The following SELENOO variants were observed in gnomAD, a reference collection of about 807,000 sequenced individuals.
The protein encoded by SELENOO is protein adenylyltransferase SelO, mitochondrial.
SELENOO carries 74 observed loss-of-function variants against 58.7 expected under a neutral mutation model. The ratio of observed to expected loss-of-function variants is 1.26; its 90% CI spans 1.04 to 1.53. The LOEUF (loss-of-function observed/expected upper bound fraction) is 1.53, where lower values mean the gene tolerates loss of function less well. Ranked by LOEUF, SELENOO falls within the 40% of genes most tolerant of loss-of-function variation. SELENOO has a pLI of 0.00. For synonymous variants in SELENOO, 543 were observed against 453.2 expected (o/e 1.20, Z -2.52); for missense variants, 1,149 against 970.0 (o/e 1.18, Z -2.45).
chr22:50,208,679 G>A lies in SELENOO; in HGVS notation c.902G>A (p.Ser301Asn). ...CCCGAGATCCAGGCTGCTCATGCCAGCGACAGCGTGCAGAGAAATGCTGCC... is the reference window on the plus strand; with the variant it reads ...CCCGAGATCCAGGCTGCTCATGCCAACGACAGCGTGCAGAGAAATGCTGCC... ...FYPEIQAAHA[S>N]DSVQRNAAFF... is the part of the protein sequence containing the mutation. Residue 301 changes from serine to asparagine, a missense_variant, in exon 3 of 9, where the codon AGC becomes AAC. Transcript: ENST00000380903. 6.2e-7 allele frequency: 1 copy of A among 1,613,538 alleles called. No homozygotes were observed.
In SELENOO at chr22:50,207,105, G is replaced by A. The variant is rs558205177; in HGVS notation, c.758+585G>A. Among the ~76,000 whole-genome samples the A allele has an allele frequency of 2.0e-5, 3 of 152,224 alleles. No individual in the cohort carries two copies. In the East Asian group the frequency reaches 5.8e-4, roughly 29 times the overall value. ...TCCTAGGCTGGCTCCTGTCTGACGT[G>A]AGCCATCAGTTATCAGTTCTCTTTT... On this transcript the variant is annotated intron_variant, in intron 2 of 8. Coordinates refer to ENST00000380903, the MANE Select transcript of SELENOO (RefSeq NM_031454.2).
chr22:50,201,646 C>A, intron 1 of SELENOO, 56 bp downstream of exon 1: 1 of 1,176,928 alleles, frequency 8.5e-7, no homozygotes, highest in Non-Finnish European at 1.1e-6. Flanking sequence ...GGCGCCCCTT[C>A]CCTCCGCCCG....
chr22:50,215,834 T>C lies in SELENOO; in HGVS notation c.1469T>C (p.Leu490Pro). The stretch of plus-strand genomic sequence containing the variant: ...GAGCAGTGTGCCTCCCTGGAGGAGC[T>C]GAGGCTGGCCTTCCGGCCCCAGATG... ...LMEQCASLEE[L>P]RLAFRPQMDP... is the part of the protein sequence containing the mutation. Residue 490 changes from leucine to proline, a missense_variant, in exon 6 of 9, where the codon CTG becomes CCG. By Grantham distance (98) the Leu-to-Pro change is moderately conservative. Coordinates refer to ENST00000380903, the MANE Select transcript of SELENOO (RefSeq NM_031454.2). 2.5e-6 allele frequency: 4 copies of C among 1,611,636 alleles called. No individual in the cohort carries two copies. The highest frequency in any genetic ancestry group is 3.4e-6 in the Non-Finnish European group (4 of 1,178,380).
At position 50,217,511 on chromosome 22, in the gene SELENOO, C is replaced by A. The variant is rs950586734; in HGVS notation, c.*142C>A. On this transcript the variant is annotated 3_prime_UTR_variant, in exon 9 of 9. Coordinates refer to ENST00000380903, the MANE Select transcript of SELENOO (RefSeq NM_031454.2). ...ACCCGTCTTTCCATGATGGCAGAGA[C>A]ATCCAGTCAGGACCTGACCCGTCTC... is the stretch of plus-strand genomic sequence containing the variant. 9 of 1,156,610 alleles carry A rather than the reference C, an allele frequency of 7.8e-6. No individual in the cohort carries two copies. The highest frequency in any genetic ancestry group is 1.6e-5 in the African/African-American group (1 of 63,714). 71.6% of individuals were successfully genotyped at this position (1,156,610 alleles called of 1,614,324 possible).
In SELENOO at chr22:50,201,529, ACGGCGAC is replaced by A; in HGVS notation, c.500_506del (p.Thr167SerfsTer79). 4 of 1,418,796 alleles carry A rather than the reference ACGGCGAC, an allele frequency of 2.8e-6. No homozygotes were observed. Among genetic ancestry groups the A allele is most frequent in the South Asian group, 2.8e-5 (2 of 71,772 alleles). 87.9% of individuals were successfully genotyped at this position (1,418,796 alleles called of 1,614,324 possible). ...CGCCATGTACCTGGGCGAGGTGTGC[ACGGCGAC>A]CGGCGAGCGCTGGGAGCTGCAGCTC... On this transcript the variant is annotated frameshift_variant, in exon 1 of 9. Coordinates refer to ENST00000380903, the MANE Select transcript of SELENOO (RefSeq NM_031454.2). LOFTEE classifies it high-confidence loss of function.
chr22:50,208,900 C>T (rs994969526), intron 3 of SELENOO, 184 bp downstream of exon 3: 2 of 595,674 alleles, frequency 3.4e-6, no homozygotes, highest in Non-Finnish European at 5.9e-6. Context: ...AAACCTGAAA[C>T]TCCCCTGGGC....
intron 3 of SELENOO, among the ~76,000 whole-genome samples, chr22:50,209,728 C>G (rs576853772): frequency 6.6e-6 from 1 of 152,152 alleles, no homozygotes; most frequent in Admixed American, 6.5e-5. Flanking sequence ...TCCTGGCCCC[C>G]CTGTTGATTG....
rs750774932 is a variant in SELENOO, at chr22:50,208,506, G to T, written c.759-30G>T. On this transcript the variant is annotated intron_variant, in intron 2 of 8. Transcript: ENST00000380903. The stretch of plus-strand genomic sequence containing the variant: ...TCACAAGGGGCTGGGGTCAGGTTTG[G>T]GCTGTTGACGCCTCGGGTCTTCCCT... 9 of 1,604,164 alleles carry T rather than the reference G, an allele frequency of 5.6e-6. No homozygotes were observed. In the South Asian group the frequency reaches 9.9e-5, roughly 18 times the overall value.
intron 2 of SELENOO, among the ~76,000 whole-genome samples, chr22:50,207,729 AC>A (rs1042592947): frequency 2.1e-4 from 30 of 143,968 alleles, no homozygotes; most frequent in African/African-American, 7.7e-4. Flanking sequence ...CCCAGTTGTG[AC>A]AACGAAAAAT....
rs2064298731 is a variant in SELENOO at position 50,201,373 on chromosome 22, G to A, written c.337G>A (p.Ala113Thr). Residue 113 changes from alanine to threonine, a missense_variant, in exon 1 of 9, where the codon GCG becomes ACG. Ala to Thr is a moderately conservative substitution (Grantham distance 58). Transcript: ENST00000380903. ...GTTGCTGGGCCTGGGCGCGCCGCCC[G>A]CGCGCGAGGCCGAGGCCGAGGCCGC... ...LALLGLGAPP[A>T]REAEAEAALF... 3 of 1,216,204 alleles carry A rather than the reference G, an allele frequency of 2.5e-6. No individual in the cohort carries two copies. The highest frequency in any genetic ancestry group is 1.6e-5 in the African/African-American group (1 of 62,642). 75.3% of individuals were successfully genotyped at this position (1,216,204 alleles called of 1,614,324 possible).
At position 50,206,457 on chromosome 22, in the gene SELENOO, A is replaced by G. The variant is rs756738759; in HGVS notation, c.695A>G (p.Tyr232Cys). The G allele has an allele frequency of 1.2e-5, 19 of 1,614,060 alleles. No homozygotes were observed. Among genetic ancestry groups the G allele is most frequent in the Middle Eastern group, 1.6e-4 (1 of 6,084 alleles). The change falls in exon 2 of 9, where the codon TAT becomes TGT. Residue 232 changes from tyrosine to cysteine, a missense_variant. By Grantham distance (194) the Tyr-to-Cys change is radical. Transcript: ENST00000380903. ...SESTVVRDVF[Y>C]DGNPKYEQCT... ...TCCACGGTGGTGCGCGACGTGTTCT[A>G]TGATGGTAATCCCAAATATGAACAA...
At chr22:50,216,358 T>A (rs1344096425) in intron 6 of SELENOO, among the ~76,000 whole-genome samples, 1 of 152,266 alleles carries the variant, frequency 6.6e-6, no homozygotes, top group Non-Finnish European at 1.5e-5. Flanking sequence ...CCTGCCCACC[T>A]GGACCCTTCT....
Position 50,215,851 on chromosome 22 carries a change from C to T in SELENOO, c.1486C>T (p.Pro496Ser). Reference protein sequence around the residue: ...SLEELRLAFRPQMDPRQLSMM... With the variant: ...SLEELRLAFRSQMDPRQLSMM... The stretch of plus-strand genomic sequence containing the variant: ...GGAGGAGCTGAGGCTGGCCTTCCGG[C>T]CCCAGATGGATCCCCGGTGGGTACT... Residue 496 changes from proline (P) to serine (S), a missense_variant, in exon 6 of 9, where the codon CCC (proline) becomes TCC (serine). Coordinates refer to ENST00000380903, the MANE Select transcript of SELENOO (RefSeq NM_031454.2). 3.1e-6 allele frequency: 5 copies of T among 1,609,108 alleles called. No individual in the cohort carries two copies. Among genetic ancestry groups the T allele is most frequent in the Non-Finnish European group, 4.2e-6 (5 of 1,176,588 alleles).
Position 50,216,717 on chromosome 22 carries a change from C to G in SELENOO, c.1529C>G (p.Ala510Gly), listed in dbSNP as rs376725602. 1 of 1,599,210 alleles carries G rather than the reference C, an allele frequency of 6.3e-7. No individual in the cohort carries two copies. The highest frequency in any genetic ancestry group is 8.5e-7 in the Non-Finnish European group (1 of 1,175,830). The change falls in exon 7 of 9, where the codon GCG becomes GGG. Residue 510 changes from alanine (A) to glycine (G), a missense_variant. By Grantham distance (60) the Ala-to-Gly change is moderately conservative. Coordinates refer to ENST00000380903, the MANE Select transcript of SELENOO (RefSeq NM_031454.2). ...PRQLSMMLML[A>G]QSNPQLFALM... ...CAGCTATCCATGATGCTGATGCTGG[C>G]GCAGTCAAACCCGCAGCTGTTCGCG...
chr22:50,208,277 A>G (rs995325237), intron 2 of SELENOO, among the ~76,000 whole-genome samples: 3 of 152,070 alleles, frequency 2.0e-5, no homozygotes, highest in African/African-American at 7.2e-5. Context: ...TAAAAATACA[A>G]AAATTAGCTG....
At chr22:50,211,627 TTTTA>T (rs1223667052) in intron 5 of SELENOO, among the ~76,000 whole-genome samples, 8 of 152,356 alleles carry the variant, frequency 5.3e-5, no homozygotes, top group Non-Finnish European at 1.0e-4. Context: ...GGTCATGTGG[TTTTA>T]TTATTTCATT....
chr22:50,201,894 C>T (rs1379774689), intron 1 of SELENOO, among the ~76,000 whole-genome samples: 1 of 152,268 alleles, frequency 6.6e-6, no homozygotes, highest in Admixed American at 6.5e-5. Flanking sequence ...AGGTCCCCAG[C>T]CTTCCTCCGA....
At chr22:50,213,566 G>A (rs542091468) in intron 5 of SELENOO, among the ~76,000 whole-genome samples, 45 of 152,208 alleles carry the variant, frequency 3.0e-4, no homozygotes, top group African/African-American at 1.1e-3. Flanking sequence ...GCTGGGTGGA[G>A]GGTTCCGTGT....
At chr22:50,202,453 A>T (rs1388367638) in intron 1 of SELENOO, among the ~76,000 whole-genome samples, 3 of 149,164 alleles carry the variant, frequency 2.0e-5, no homozygotes, top group Non-Finnish European at 4.4e-5. Flanking sequence ...CTCCCTCCCC[A>T]CCCCCAGCGA....
Sources: allele counts gnomAD v4.1 joint callset (sites outside exome capture counted in the v4.1 genomes callset), GRCh38; gene constraint gnomAD v4.1.1; transcripts MANE v1.5; gene names NCBI Gene and HGNC (gene_info 2026-07-23, HGNC 2026-07-21).